CCSER1: variants seen among roughly 807,000 people sequenced by gnomAD.
The protein encoded by CCSER1 is coiled-coil serine rich protein 1.
A neutral mutation model predicts 82.0 loss-of-function variants in CCSER1; 41 were observed. The ratio of observed to expected loss-of-function variants is 0.50; its 90% confidence interval spans 0.39 to 0.65. The LOEUF (loss-of-function observed/expected upper bound fraction) is 0.65. CCSER1 is among the 30% of genes least tolerant of loss of function. The pLI, the probability that CCSER1 is intolerant of heterozygous loss-of-function variation, is 0.00. For synonymous variants in CCSER1, 414 were observed against 383.9 expected (o/e 1.08, Z -0.92); for missense variants, 1,119 against 1,064.2 (o/e 1.05, Z -0.72).
intron 10 of CCSER1, among the ~76,000 whole-genome samples, chr4:91,099,243 A>G (rs1724817821): frequency 6.6e-6 from 1 of 152,214 alleles, no homozygotes; most frequent in African/African-American, 2.4e-5. Context: ...AAAATCTTGT[A>G]TAATATCAGT....
intron 10 of CCSER1, among the ~76,000 whole-genome samples, chr4:91,431,167 C>T (rs1754283064): frequency 6.6e-6 from 1 of 152,038 alleles, no homozygotes; most frequent in Non-Finnish European, 1.5e-5. Flanking sequence ...ACCCGGGAGG[C>T]GGAACTTAGA....
chr4:90,959,310 G>T (rs1733825114), intron 9 of CCSER1, among the ~76,000 whole-genome samples: 1 of 152,068 alleles, frequency 6.6e-6, no homozygotes, highest in Non-Finnish European at 1.5e-5. Context: ...CAATAATACG[G>T]GTTAATCATT....
chr4:90,836,218 A>G (rs186441370), intron 8 of CCSER1, among the ~76,000 whole-genome samples: 1 of 152,304 alleles, frequency 6.6e-6, no homozygotes, highest in East Asian at 1.9e-4. Context: ...TTTAATAATA[A>G]CGACAAAAAC....
intron 6 of CCSER1, among the ~76,000 whole-genome samples, chr4:90,675,596 C>T: frequency 7.0e-6 from 1 of 141,976 alleles, no homozygotes; most frequent in Non-Finnish European, 1.6e-5. Context: ...TATTTGAAAA[C>T]TTTGTTAACA....
chr4:91,009,117 C>T (rs921951314), intron 9 of CCSER1, among the ~76,000 whole-genome samples: 14 of 152,094 alleles, frequency 9.2e-5, no homozygotes, highest in Admixed American at 7.2e-4. Context: ...AAGTCAGGGG[C>T]GGGTCTGAGA....
intron 10 of CCSER1, among the ~76,000 whole-genome samples, chr4:91,518,838 C>G (rs1223442149): frequency 2.0e-5 from 3 of 152,190 alleles, no homozygotes; most frequent in African/African-American, 7.2e-5. Context: ...TATGCTCAGC[C>G]ATGGGTTGGG....
intron 10 of CCSER1, among the ~76,000 whole-genome samples, chr4:91,446,054 G>A (rs756352318): frequency 1.2e-4 from 18 of 151,236 alleles, no homozygotes; most frequent in Non-Finnish European, 2.6e-4. Context: ...AGTTTGAGTG[G>A]GAAGAAGTGT....
intron 1 of CCSER1, among the ~76,000 whole-genome samples, chr4:90,128,516 T>TGCGCGC (rs1553934318): frequency 2.3e-5 from 3 of 128,504 alleles, no homozygotes; most frequent in South Asian, 2.6e-4. Flanking sequence ...TGTGTGTGTG[T>TGCGCGC]GCGCGCGCGC....
At chr4:91,202,692 G>T (rs1459841587) in intron 10 of CCSER1, among the ~76,000 whole-genome samples, 1 of 36,362 alleles carries the variant, frequency 2.8e-5, no homozygotes, top group Non-Finnish European at 5.1e-5. Flanking sequence ...CGTAGACCAA[G>T]AAATCAAAGA....
At chr4:90,633,038 G>A (rs59701804) in intron 6 of CCSER1, among the ~76,000 whole-genome samples, 1,955 of 152,124 alleles carry the variant, frequency 0.013, 49 homozygotes, top group African/African-American at 0.045. Flanking sequence ...TATCATTGGA[G>A]CACTTATGTC....
At chr4:90,594,530 C>G (rs1783082888) in intron 5 of CCSER1, among the ~76,000 whole-genome samples, 1 of 152,082 alleles carries the variant, frequency 6.6e-6, no homozygotes, top group African/African-American at 2.4e-5. Flanking sequence ...TAAACAGTCT[C>G]ACAGAACTCA....
chr4:90,559,749 G>T (rs1324428992), intron 5 of CCSER1, among the ~76,000 whole-genome samples: 2 of 148,140 alleles, frequency 1.4e-5, no homozygotes, highest in Non-Finnish European at 3.0e-5. Flanking sequence ...GGCGGAGCTT[G>T]CAGTGCGCCG....
chr4:91,345,086 A>G (rs1747963130), intron 10 of CCSER1, among the ~76,000 whole-genome samples: 1 of 152,090 alleles, frequency 6.6e-6, no homozygotes, highest in African/African-American at 2.4e-5. Flanking sequence ...TGTTCCCTGG[A>G]GTTGTTGAAA....
intron 6 of CCSER1, among the ~76,000 whole-genome samples, chr4:90,717,351 T>C (rs1741808019): frequency 6.6e-6 from 1 of 152,022 alleles, no homozygotes; most frequent in Admixed American, 6.6e-5. Flanking sequence ...TCTAAGAATA[T>C]ATTATAAAGA....
intron 10 of CCSER1, among the ~76,000 whole-genome samples, chr4:91,456,341 A>C (rs920289088): frequency 6.6e-6 from 1 of 152,080 alleles, no homozygotes; most frequent in African/African-American, 2.4e-5. Flanking sequence ...TTCAACATCT[A>C]AATTTTGGAG....
At chr4:90,152,675 G>C (rs572680790) in intron 1 of CCSER1, among the ~76,000 whole-genome samples, 2 of 152,140 alleles carry the variant, frequency 1.3e-5, no homozygotes, top group South Asian at 4.2e-4. Flanking sequence ...CAGTTTGGCT[G>C]AGATAGAGAG....
chr4:91,360,268 T>C (rs12512365), intron 10 of CCSER1, among the ~76,000 whole-genome samples: 62,728 of 151,418 alleles, frequency 0.41, 14,130 homozygotes, highest in East Asian at 0.83. Context: ...AGATTTGTTC[T>C]GGTAAACACA....
intron 9 of CCSER1, among the ~76,000 whole-genome samples, chr4:91,071,163 A>G (rs536045298): frequency 1.3e-5 from 2 of 152,350 alleles, no homozygotes; most frequent in African/African-American, 4.8e-5. Flanking sequence ...AGAACCTAGC[A>G]TCATGCACCA....
intron 9 of CCSER1, among the ~76,000 whole-genome samples, chr4:91,005,498 C>T (rs1381300): frequency 0.33 from 50,174 of 151,738 alleles, 9,275 homozygotes; most frequent in East Asian, 0.43. Flanking sequence ...CTAAAAGCAC[C>T]CCTATGCTTG....
Sources: allele counts gnomAD v4.1 joint callset (sites outside exome capture counted in the v4.1 genomes callset), GRCh38; gene constraint gnomAD v4.1.1; transcripts MANE v1.5; gene names NCBI Gene and HGNC (gene_info 2026-07-23, HGNC 2026-07-21).